The following ZDHHC15 variants were observed in gnomAD, a reference collection of about 807,000 sequenced individuals.
ZDHHC15 encodes palmitoyltransferase ZDHHC15.
Under a neutral mutation model 31.7 loss-of-function variants are expected in ZDHHC15, and 19 were observed. That is an observed-to-expected ratio of 0.60 (90% CI 0.42 to 0.88). ZDHHC15 has a LOEUF of 0.88. Among genes scored for constraint, ZDHHC15 ranks in the 40% least tolerant of loss-of-function variants. ZDHHC15 has a pLI of 0.00. For synonymous variants in ZDHHC15, 103 were observed against 90.0 expected, an observed-to-expected ratio of 1.14 and a Z score of -0.82; for missense variants, 209 against 251.2, an observed-to-expected ratio of 0.83 and a Z score of 1.14.
chrX:75,431,344 G>A (rs2083777796), intron 5 of ZDHHC15, 107 bp downstream of exon 5: 2 of 728,186 alleles, frequency 2.7e-6, no homozygotes, highest in African/African-American at 4.2e-5. Flanking sequence ...TAATTGAAAG[G>A]AAATGCTCTT....
At chrX:75,384,745 C>T in intron 10 of ZDHHC15, 5 of 909,773 alleles carry the variant, frequency 5.5e-6, no homozygotes, top group South Asian at 2.0e-5. Flanking sequence ...CCAGCCTGCT[C>T]CACCCAGAGA....
intron 3 of ZDHHC15, among the ~76,000 whole-genome samples, chrX:75,453,804 T>C (rs932637053): frequency 1.8e-5 from 2 of 111,470 alleles, no homozygotes; most frequent in Non-Finnish European, 3.8e-5. Flanking sequence ...ATTATCTCAA[T>C]AGATGCAGCA....
chrX:75,487,976 C>G (rs1342055304), intron 2 of ZDHHC15, among the ~76,000 whole-genome samples: 2 of 111,962 alleles, frequency 1.8e-5, no homozygotes, highest in African/African-American at 6.5e-5. Context: ...CTGACAAAGA[C>G]ATAGAAAAAT....
intron 10 of ZDHHC15, among the ~76,000 whole-genome samples, chrX:75,382,416 G>A (rs2083123506): frequency 8.9e-6 from 1 of 111,859 alleles, no homozygotes; most frequent in Admixed American, 9.5e-5. Flanking sequence ...AGAAACATGG[G>A]GGAAAAGTTA....
At chrX:75,509,377 T>A (rs1925663913) in intron 1 of ZDHHC15, among the ~76,000 whole-genome samples, 1 of 111,947 alleles carries the variant, frequency 8.9e-6, no homozygotes, top group African/African-American at 3.2e-5. Context: ...CTGGTGTATA[T>A]TTTATGCTTC....
intron 1 of ZDHHC15, among the ~76,000 whole-genome samples, chrX:75,509,137 A>C (rs772582598): frequency 9.0e-6 from 1 of 111,344 alleles, no homozygotes; most frequent in Admixed American, 9.7e-5. Context: ...AAAACACCAA[A>C]AGCAATGGCA....
At chrX:75,383,515 G>A (rs1239397994) in intron 10 of ZDHHC15, among the ~76,000 whole-genome samples, 1 of 110,429 alleles carries the variant, frequency 9.1e-6, no homozygotes, top group Non-Finnish European at 1.9e-5. Context: ...TGACAATACA[G>A]ATCCTATCTA....
rs987012459 is a variant in ZDHHC15, at chrX:75,400,036, A to G, written c.967+17051T>C. ...ACACGCAGAGATGAGAAAAAAACCA[A>G]TGCAAGAACTCTGGTAACTCAAATG... On this transcript the variant is annotated intron_variant, in intron 10 of 11. Coordinates refer to ENST00000373367, the MANE Select transcript of ZDHHC15 (RefSeq NM_144969.3). Among the ~76,000 whole-genome samples, 6 of 111,803 alleles carry G rather than the reference A, an allele frequency of 5.4e-5. No individual in the cohort carries two copies. The East Asian group carries it at 1.7e-3, about 31-fold the overall frequency.
chrX:75,489,573 C>A (rs2148004943), intron 2 of ZDHHC15, among the ~76,000 whole-genome samples: 1 of 111,872 alleles, frequency 8.9e-6, no homozygotes, highest in South Asian at 3.7e-4. Context: ...AGGACATCCA[C>A]ACCAAAAACC....
chrX:75,417,617 C>A (rs189922574), intron 9 of ZDHHC15, among the ~76,000 whole-genome samples: 14 of 111,803 alleles, frequency 1.3e-4, no homozygotes, highest in Admixed American at 1.1e-3. Context: ...AAAGACAATG[C>A]GCAAATGCAC....
At chrX:75,478,576 T>C (rs925784513) in intron 3 of ZDHHC15, among the ~76,000 whole-genome samples, 2 of 111,185 alleles carry the variant, frequency 1.8e-5, no homozygotes, top group Non-Finnish European at 3.8e-5. Context: ...ATTGACAGGG[T>C]CTCACTTTGT....
intron 4 of ZDHHC15, among the ~76,000 whole-genome samples, chrX:75,433,378 C>G (rs758935745): frequency 3.6e-5 from 4 of 110,563 alleles, no homozygotes; most frequent in African/African-American, 1.3e-4. Flanking sequence ...GTGCACCCAC[C>G]ATCTAAGCCG....
chrX:75,420,259 C>A (rs990904018), intron 9 of ZDHHC15, among the ~76,000 whole-genome samples: 1 of 111,076 alleles, frequency 9.0e-6, no homozygotes, highest in African/African-American at 3.3e-5. Context: ...AATGAGACAC[C>A]ATCTCATGCC....
intron 2 of ZDHHC15, among the ~76,000 whole-genome samples, chrX:75,480,323 T>C (rs2084669447): frequency 9.0e-6 from 1 of 111,463 alleles, no homozygotes; most frequent in African/African-American, 3.3e-5. Flanking sequence ...CTCCCCATTC[T>C]AAGGCACAAC....
At chrX:75,450,448 T>C (rs767800980) in intron 4 of ZDHHC15, among the ~76,000 whole-genome samples, 1 of 111,623 alleles carries the variant, frequency 9.0e-6, no homozygotes, top group Non-Finnish European at 1.9e-5. Flanking sequence ...GAATAAAATA[T>C]TTAGGTAGAT....
Position 75,369,112 on chromosome X carries a change from C to A in ZDHHC15, c.*3866G>T, listed in dbSNP as rs2082983140. 8.9e-6 allele frequency: 1 copy of A among 111,777 alleles called. No homozygotes were observed. Among genetic ancestry groups the A allele is most frequent in the African/African-American group, 3.3e-5 (1 of 30,746 alleles). 9.2% of individuals were successfully genotyped at this position (111,777 alleles called of 1,213,427 possible). On this transcript the variant is annotated 3_prime_UTR_variant, in exon 12 of 12. Coordinates refer to ENST00000373367, the MANE Select transcript of ZDHHC15 (RefSeq NM_144969.3). ...GGGCCTGACAATCTCATTAGATGCCCCCTGTGCTTCTCCATAGAACGTCTT... is the reference window on the plus strand; with the variant it reads ...GGGCCTGACAATCTCATTAGATGCCACCTGTGCTTCTCCATAGAACGTCTT...
intron 10 of ZDHHC15, among the ~76,000 whole-genome samples, chrX:75,410,259 C>T (rs560969481): frequency 9.0e-6 from 1 of 110,661 alleles, no homozygotes; most frequent in Non-Finnish European, 1.9e-5. Context: ...AAACAACCAA[C>T]AAAGTGAAGA....
intron 1 of ZDHHC15, among the ~76,000 whole-genome samples, chrX:75,520,402 A>G (rs1473798531): frequency 8.9e-6 from 1 of 112,035 alleles, no homozygotes; most frequent in African/African-American, 3.2e-5. Flanking sequence ...CCTGCCTCAT[A>G]TAGTTATTGT....
At chrX:75,482,590 A>C (rs2084708313) in intron 2 of ZDHHC15, among the ~76,000 whole-genome samples, 1 of 111,570 alleles carries the variant, frequency 9.0e-6, no homozygotes, top group Admixed American at 9.6e-5. Context: ...GTCTATACCA[A>C]TTCTTTGGGA....
Sources: gnomAD v4.1 joint callset for allele counts (sites outside exome capture counted in the v4.1 genomes callset) on GRCh38, gnomAD v4.1.1 for gene constraint, MANE v1.5 for transcripts, NCBI Gene and HGNC (gene_info 2026-07-23, HGNC 2026-07-21) for gene names.